NAV2: variants seen among roughly 807,000 people sequenced by gnomAD.
NAV2 encodes the protein neuron navigator 2.
A neutral mutation model predicts 223.2 loss-of-function variants in NAV2; 54 were observed. The observed-to-expected ratio is 0.24, with a 90% confidence interval of 0.19 to 0.30. NAV2 has a LOEUF of 0.30. NAV2 is among the 10% of genes least tolerant of loss of function. The pLI is 1.00. For missense variants in NAV2, 2,806 were observed against 3,147.5 expected (o/e 0.89, Z 2.60); for synonymous variants, 1,279 against 1,239.3 (o/e 1.03, Z -0.67).
At chr11:20,094,285 A>C (rs909024150) in intron 29 of NAV2, among the ~76,000 whole-genome samples, 1 of 123,620 alleles carries the variant, frequency 8.1e-6, no homozygotes, top group Admixed American at 1.1e-4. Flanking sequence ...GCTGGAGTGC[A>C]GTGGTGCGAT....
chr11:19,466,033 C>T (rs140246327), intron 1 of NAV2, among the ~76,000 whole-genome samples: 7 of 152,290 alleles, frequency 4.6e-5, no homozygotes, highest in East Asian at 1.9e-4. Flanking sequence ...CATTAAAATG[C>T]GGTTCACAGC....
chr11:19,673,579 G>A (rs890041762), intron 1 of NAV2, among the ~76,000 whole-genome samples: 4 of 152,200 alleles, frequency 2.6e-5, no homozygotes, highest in Non-Finnish European at 4.4e-5. Context: ...CTCAAATTGA[G>A]GTGTTAATTG....
intron 1 of NAV2, among the ~76,000 whole-genome samples, chr11:19,364,313 T>C (rs1372020310): frequency 6.6e-6 from 1 of 152,200 alleles, no homozygotes; most frequent in East Asian, 1.9e-4. Flanking sequence ...ATATTTCTTA[T>C]TATATCACAG....
chr11:19,423,412 G>A (rs960241116), intron 1 of NAV2, among the ~76,000 whole-genome samples: 2 of 152,190 alleles, frequency 1.3e-5, no homozygotes, highest in African/African-American at 4.8e-5. Flanking sequence ...GTAGAGAGAT[G>A]GGTCAAAAAG....
chr11:20,027,123 C>T lies in NAV2; in HGVS notation c.2769-8836C>T, dbSNP rs2055163309. The T allele has an allele frequency of 1.1e-5, 3 of 272,946 alleles. No individual in the cohort carries two copies. In the South Asian group the frequency reaches 4.2e-4, roughly 38 times the overall value. 16.9% of individuals were successfully genotyped at this position (272,946 alleles called of 1,614,324 possible). ...TTTGAAGGTGGATTTTCTTAACAGG[C>T]CCCAGCAATAGTTAGAGGAGATGAT... On this transcript the variant is annotated intron_variant, in intron 11 of 37. Coordinates refer to ENST00000349880, the MANE Select transcript of NAV2 (RefSeq NM_145117.5).
chr11:20,012,674 C>CA lies in NAV2; in HGVS notation c.2769-23268dup, dbSNP rs869102100. Among the ~76,000 whole-genome samples, 623 of 128,216 alleles carry CA rather than the reference C, an allele frequency of 4.9e-3. 4 individuals carry two copies. Among genetic ancestry groups the CA allele is most frequent in the African/African-American group, 0.018 (593 of 33,750 alleles). The allele number at this position is 128,216 out of a possible 152,430, so 84.1% of individuals were successfully genotyped here. On this transcript the variant is annotated intron_variant, in intron 11 of 37. Transcript: ENST00000349880. ...TGGGCAACAAAGTTAGACTCCATCT[C>CA]AAAAAAAAAAAAAAAAAGAAGGGGG...
rs143016475 is a variant in NAV2, at chr11:19,476,548, G to T, written c.75+125521G>T. 7.2e-4 allele frequency among the ~76,000 whole-genome samples: 110 copies of T among 152,102 alleles called. 1 individual carries two copies. In the East Asian group the frequency reaches 0.021, roughly 28 times the overall value. On this transcript the variant is annotated intron_variant, in intron 1 of 37. Transcript: ENST00000360655. ...CACTTTGATGCCACTACCCTCACAT[G>T]TAAAAAAAGGTGGGGGGCAGTTTTT...
Position 19,534,748 on chromosome 11 carries a change from G to T in NAV2, c.75+183721G>T, listed in dbSNP as rs780184739. On this transcript the variant is annotated intron_variant, in intron 1 of 37. Coordinates refer to the NAV2 transcript ENST00000360655. ...GGAGGTGGAGTAGAGGAGGAAAACTGAGAGACCTTGCATTCCATGCCAGGA... is the reference window on the plus strand; with the variant it reads ...GGAGGTGGAGTAGAGGAGGAAAACTTAGAGACCTTGCATTCCATGCCAGGA... Among the ~76,000 whole-genome samples the T allele has an allele frequency of 1.9e-3, 286 of 152,314 alleles. 1 individual carries two copies. The highest frequency in any genetic ancestry group is 3.4e-3 in the Non-Finnish European group (229 of 68,034).
At chr11:19,510,431 G>A (rs2043243234) in intron 1 of NAV2, among the ~76,000 whole-genome samples, 1 of 152,178 alleles carries the variant, frequency 6.6e-6, no homozygotes, top group Admixed American at 6.5e-5. Context: ...TTACAACCAT[G>A]ACAGCATTAA....
At chr11:19,777,671 A>G in intron 1 of NAV2, 1 of 401,846 alleles carries the variant, frequency 2.5e-6, no homozygotes, top group Non-Finnish European at 5.0e-6. Context: ...TTGAAGCTAG[A>G]TCTCAGGGGA....
At chr11:19,364,859 A>T (rs932074395) in intron 1 of NAV2, among the ~76,000 whole-genome samples, 3 of 152,230 alleles carry the variant, frequency 2.0e-5, no homozygotes, top group African/African-American at 7.2e-5. Flanking sequence ...CTTTACAAAA[A>T]ACTGTCAACT....
chr11:19,853,870 A>G (rs1216349926), intron 3 of NAV2, among the ~76,000 whole-genome samples: 1 of 151,978 alleles, frequency 6.6e-6, no homozygotes, highest in Non-Finnish European at 1.5e-5. Flanking sequence ...GCATCTGTCC[A>G]TTTGCTCACA....
chr11:19,827,607 C>T (rs1189497542), intron 1 of NAV2, among the ~76,000 whole-genome samples: 2 of 152,240 alleles, frequency 1.3e-5, no homozygotes, highest in Non-Finnish European at 2.9e-5. Flanking sequence ...CATTCTTCCA[C>T]ACACGCTGCC....
At chr11:19,737,516 G>T (rs1252110644) in intron 1 of NAV2, among the ~76,000 whole-genome samples, 1 of 152,194 alleles carries the variant, frequency 6.6e-6, no homozygotes, top group African/African-American at 2.4e-5. Context: ...AGAGTAATAT[G>T]GTAGAAGGTG....
At chr11:19,560,344 G>A (rs1207168751) in intron 1 of NAV2, among the ~76,000 whole-genome samples, 1 of 152,206 alleles carries the variant, frequency 6.6e-6, no homozygotes, top group Non-Finnish European at 1.5e-5. Context: ...TCACTGGGGT[G>A]CGGGGCACTG....
rs141792981 is a variant in NAV2, at chr11:19,768,523, G to A, written c.267+54561G>A. On this transcript the variant is annotated intron_variant, in intron 1 of 37. Coordinates refer to ENST00000349880, the MANE Select transcript of NAV2 (RefSeq NM_145117.5). ...AGGTAGAAGAAGTATTGAAAGAACC[G>A]TGGCCTTTGTCCTGGCCTAGAGAAG... Among the ~76,000 whole-genome samples the A allele has an allele frequency of 4.4e-3, 669 of 152,136 alleles. 2 individuals carry two copies. Among genetic ancestry groups the A allele is most frequent in the Non-Finnish European group, 7.9e-3 (540 of 68,008 alleles).
rs1592159973 is a variant in NAV2 at position 20,103,122 on chromosome 11, T to G, written c.6418-133T>G. 86 of 788,464 alleles carry G rather than the reference T, an allele frequency of 1.1e-4. No individual in the cohort carries two copies. In the East Asian group the frequency reaches 2.3e-3, roughly 21 times the overall value. 48.8% of individuals were successfully genotyped at this position (788,464 alleles called of 1,614,324 possible). ...CCCTGTAATAGGCAGGCACCCAGAATGTGTTTACAGCGCAGAATCATGAAG... is the reference window on the plus strand; with the variant it reads ...CCCTGTAATAGGCAGGCACCCAGAAGGTGTTTACAGCGCAGAATCATGAAG... On this transcript the variant is annotated intron_variant, in intron 32 of 37. Coordinates refer to ENST00000349880, the MANE Select transcript of NAV2 (RefSeq NM_145117.5).
In NAV2 at chr11:19,984,117, T is replaced by C; in HGVS notation, c.2646-8T>C. 6.2e-7 allele frequency: 1 copy of C among 1,614,062 alleles called. No homozygotes were observed. Among genetic ancestry groups the C allele is most frequent in the East Asian group, 2.2e-5 (1 of 44,872 alleles). ...ATTCATGTGCATCATCTTCTTCTCC[T>C]TTTAAAGATACATGACTGATGGTGG... is the stretch of plus-strand genomic sequence containing the variant. On this transcript the variant is annotated splice_region_variant and splice_polypyrimidine_tract_variant and intron_variant, in intron 10 of 37. Coordinates refer to ENST00000349880, the MANE Select transcript of NAV2 (RefSeq NM_145117.5).
At chr11:19,964,152 T>C (rs1478934489) in intron 10 of NAV2, among the ~76,000 whole-genome samples, 2 of 152,040 alleles carry the variant, frequency 1.3e-5, no homozygotes, top group Non-Finnish European at 2.9e-5. Context: ...AACCATTGAG[T>C]TGAGAGAGAG....
Sources: gnomAD v4.1 joint callset for allele counts (sites outside exome capture counted in the v4.1 genomes callset) on GRCh38, gnomAD v4.1.1 for gene constraint, MANE v1.5 for transcripts, NCBI Gene and HGNC (gene_info 2026-07-23, HGNC 2026-07-21) for gene names.